The following CDC42BPA variants were observed in gnomAD, a reference collection of about 807,000 sequenced individuals.
The protein encoded by CDC42BPA is serine/threonine-protein kinase MRCK alpha.
CDC42BPA carries 80 observed loss-of-function variants against 223.5 expected under a neutral mutation model. The ratio of observed to expected loss-of-function variants is 0.36; its 90% confidence interval spans 0.30 to 0.43. The LOEUF (loss-of-function observed/expected upper bound fraction) is 0.43. Among genes scored for constraint, CDC42BPA ranks in the 20% least tolerant of loss-of-function variants. CDC42BPA has a pLI of 1.00. For synonymous variants in CDC42BPA, 694 were observed against 718.6 expected (o/e 0.97, Z 0.55); for missense variants, 1,743 against 2,099.9 (o/e 0.83, Z 3.32).
intron 5 of CDC42BPA, 114 bp downstream of exon 5, chr1:227,193,671 TG>T (rs113113284): frequency 5.0e-4 from 410 of 827,292 alleles, no homozygotes; most frequent in South Asian, 1.0e-3. Flanking sequence ...TAATTTTTTT[TG>T]GTTGACGATA....
chr1:227,125,605 A>T (rs1457657760), intron 11 of CDC42BPA, among the ~76,000 whole-genome samples: 1 of 108,220 alleles, frequency 9.2e-6, no homozygotes, highest in African/African-American at 2.9e-5. Context: ...TACAAATTAA[A>T]AAAAAAAAAA....
intron 24 of CDC42BPA, among the ~76,000 whole-genome samples, chr1:227,038,141 T>C (rs1310158009): frequency 7.7e-6 from 1 of 129,278 alleles, no homozygotes; most frequent in Non-Finnish European, 1.7e-5. Flanking sequence ...TGGGGGCAGG[T>C]CTCTCTGTGC....
chr1:227,215,951 T>G (rs1674744732), intron 2 of CDC42BPA, among the ~76,000 whole-genome samples: 1 of 152,182 alleles, frequency 6.6e-6, no homozygotes, highest in Non-Finnish European at 1.5e-5. Context: ...GAAATGAACT[T>G]AAATATTCTA....
chr1:227,026,564 C>T (rs570796377), intron 30 of CDC42BPA, among the ~76,000 whole-genome samples: 4 of 152,296 alleles, frequency 2.6e-5, no homozygotes, highest in Admixed American at 1.3e-4. Flanking sequence ...TAATAAAGCA[C>T]TGTAGCACAG....
At position 227,170,639 on chromosome 1, in the gene CDC42BPA, C is replaced by T. The variant is rs114383540; in HGVS notation, c.600-10003G>A. Among the ~76,000 whole-genome samples the T allele has an allele frequency of 3.7e-3, 558 of 152,260 alleles. 3 individuals carry two copies. Among genetic ancestry groups the T allele is most frequent in the African/African-American group, 0.013 (540 of 41,538 alleles). Reference sequence around the variant, plus strand: ...ACAGAGAGCCTCTTTAAACAACTGCCTGTGTTTCTTGGAGAACTTCATATG... The same window carrying T: ...ACAGAGAGCCTCTTTAAACAACTGCTTGTGTTTCTTGGAGAACTTCATATG... On this transcript the variant is annotated intron_variant, in intron 5 of 36. Coordinates refer to ENST00000366766, the MANE Select transcript of CDC42BPA (RefSeq NM_001394014.1).
intron 32 of CDC42BPA, among the ~76,000 whole-genome samples, chr1:227,022,641 AAAC>A (rs1667596412): frequency 6.6e-6 from 1 of 152,208 alleles, no homozygotes. Context: ...CCTGACAGGC[AAAC>A]AACATTTAAT....
intron 6 of CDC42BPA, among the ~76,000 whole-genome samples, chr1:227,158,475 A>G (rs1039847132): frequency 1.3e-5 from 2 of 152,136 alleles, no homozygotes; most frequent in African/African-American, 4.8e-5. Flanking sequence ...TTCTTATGTA[A>G]GCACATAAAA....
chr1:227,045,332 T>G (rs1672220829), intron 23 of CDC42BPA, among the ~76,000 whole-genome samples: 1 of 152,216 alleles, frequency 6.6e-6, no homozygotes, highest in Non-Finnish European at 1.5e-5. Flanking sequence ...TGGGTAAGTA[T>G]GTCATTTCAA....
chr1:227,287,327 G>A lies in CDC42BPA; in HGVS notation c.178+29678C>T, dbSNP rs1006738954. On this transcript the variant is annotated intron_variant, in intron 1 of 36. Transcript: ENST00000366766. ...TCTATGGCTGGCATCTGGGAACTTAGATTTTGGGAGTGTTCTCACAATCCT... is the reference window on the plus strand; with the variant it reads ...TCTATGGCTGGCATCTGGGAACTTAAATTTTGGGAGTGTTCTCACAATCCT... Among the ~76,000 whole-genome samples the A allele has an allele frequency of 2.0e-5, 3 of 152,180 alleles. No homozygotes were observed. In the South Asian group the frequency reaches 6.2e-4, roughly 31 times the overall value.
At chr1:227,219,536 T>TGGTG (rs1675462797) in intron 2 of CDC42BPA, 1 of 152,256 alleles carries the variant, frequency 6.6e-6, no homozygotes, top group Non-Finnish European at 1.5e-5. Context: ...TCTTGCTCAC[T>TGGTG]GTTTCCCATG....
chr1:227,013,690 G>C (rs568152835), intron 34 of CDC42BPA, among the ~76,000 whole-genome samples: 6 of 151,884 alleles, frequency 4.0e-5, no homozygotes, highest in Non-Finnish European at 7.4e-5. Flanking sequence ...GAATGTATGA[G>C]ATAAAAACAT....
chr1:227,111,207 G>C (rs182279552), intron 14 of CDC42BPA, among the ~76,000 whole-genome samples: 1 of 152,180 alleles, frequency 6.6e-6, no homozygotes, highest in Non-Finnish European at 1.5e-5. Context: ...GGTCCTAAAA[G>C]AAGTAGGTGA....
At position 227,005,027 on chromosome 1, in the gene CDC42BPA, G is replaced by A. The variant is rs756238413; in HGVS notation, c.4942C>T (p.Arg1648Cys). Residue 1648 changes from arginine to cysteine, a missense_variant, in exon 35 of 37, where the codon CGC (arginine) becomes TGC (cysteine). Arg to Cys is a radical substitution (Grantham distance 180). Coordinates refer to ENST00000366766, the MANE Select transcript of CDC42BPA (RefSeq NM_001394014.1). ...SITKSRPEPG[R>C]SMSASSGLSA... ...AAGCCACTGCTAGCACTCATGGAGC[G>A]GCCTGGCTCAGGGCGGGATTTGGTG... 9.9e-6 allele frequency: 16 copies of A among 1,614,080 alleles called. No homozygotes were observed. The highest frequency in any genetic ancestry group is 2.2e-5 in the South Asian group (2 of 91,080).
chr1:227,073,435 A>G (rs1042251822), intron 19 of CDC42BPA, among the ~76,000 whole-genome samples: 4 of 152,136 alleles, frequency 2.6e-5, no homozygotes, highest in African/African-American at 9.6e-5. Flanking sequence ...TATCATTATG[A>G]AATTTGCCAT....
intron 21 of CDC42BPA, among the ~76,000 whole-genome samples, chr1:227,067,909 G>C (rs999236011): frequency 6.6e-6 from 1 of 151,968 alleles, no homozygotes; most frequent in Non-Finnish European, 1.5e-5. Flanking sequence ...CTATTCAACA[G>C]GATAATAAAT....
chr1:227,034,383 T>A (rs1669860094), intron 26 of CDC42BPA, among the ~76,000 whole-genome samples: 1 of 152,196 alleles, frequency 6.6e-6, no homozygotes, highest in Non-Finnish European at 1.5e-5. Flanking sequence ...CTTCACATGG[T>A]AGGCCTCCAT....
intron 17 of CDC42BPA, among the ~76,000 whole-genome samples, chr1:227,077,177 T>C (rs570443349): frequency 6.6e-6 from 1 of 152,346 alleles, no homozygotes; most frequent in Non-Finnish European, 1.5e-5. Context: ...CATATAGACC[T>C]GGTTTCAAAT....
chr1:227,102,939 A>C (rs1307390806), intron 14 of CDC42BPA, among the ~76,000 whole-genome samples: 1 of 152,028 alleles, frequency 6.6e-6, no homozygotes, highest in Non-Finnish European at 1.5e-5. Flanking sequence ...TCCAAATACT[A>C]CTCTAAGTCC....
rs868755267 is a variant in CDC42BPA at position 227,163,166 on chromosome 1, A to G, written c.600-2530T>C. On this transcript the variant is annotated intron_variant, in intron 5 of 36. Transcript: ENST00000366766. Reference sequence around the variant, plus strand: ...TATGTTTCCAAACATATATGTGTGTATATGTTTCCAAACATATGTGTGTAT... The same window carrying G: ...TATGTTTCCAAACATATATGTGTGTGTATGTTTCCAAACATATGTGTGTAT... Among the ~76,000 whole-genome samples the G allele has an allele frequency of 1.6e-3, 233 of 148,578 alleles. 2 individuals carry two copies. The highest frequency in any genetic ancestry group is 5.4e-3 in the African/African-American group (211 of 38,772).
Sources: allele counts gnomAD v4.1 joint callset (sites outside exome capture counted in the v4.1 genomes callset), GRCh38; gene constraint gnomAD v4.1.1; transcripts MANE v1.5; gene names NCBI Gene and HGNC (gene_info 2026-07-23, HGNC 2026-07-21).